The following ORC6 variants were observed in gnomAD, a reference collection of about 807,000 sequenced individuals.
ORC6 encodes the protein origin recognition complex, subunit 6 homolog-like (yeast).
Under a neutral mutation model 30.0 loss-of-function variants are expected in ORC6, and 31 were observed. The observed-to-expected ratio is 1.03, with a 90% CI of 0.78 to 1.40. ORC6 has a LOEUF of 1.40. ORC6 is among the 40% of genes most tolerant of loss of function. The pLI is 0.00. For synonymous variants in ORC6, 136 were observed against 111.2 expected, an observed-to-expected ratio of 1.22 and a Z score of -1.40; for missense variants, 340 against 304.3, an observed-to-expected ratio of 1.12 and a Z score of -0.87.
chr16:46,690,915 G>A, intron 1 of ORC6, 76 bp from the exon 2 acceptor site: 1 of 1,494,460 alleles, frequency 6.7e-7, no homozygotes, highest in Non-Finnish European at 9.3e-7. Context: ...AGCTAACCAG[G>A]CTGTATTCAT....
chr16:46,692,922 C>T (rs562466366), intron 3 of ORC6, among the ~76,000 whole-genome samples, 171 bp from the exon 4 acceptor site: 1 of 152,166 alleles, frequency 6.6e-6, no homozygotes, highest in South Asian at 2.1e-4. Flanking sequence ...CTGATAGATA[C>T]AAATTATCCA....
chr16:46,690,197 C>G (rs1396697705), intron 1 of ORC6, among the ~76,000 whole-genome samples: 1 of 152,210 alleles, frequency 6.6e-6, no homozygotes, highest in Non-Finnish European at 1.5e-5. Flanking sequence ...GGCCTAGCGG[C>G]TGCCTTTAAC....
At chr16:46,694,642 ACC>A (rs1215852419) in intron 4 of ORC6, 1 of 131,436 alleles carries the variant, frequency 7.6e-6, no homozygotes, top group East Asian at 2.2e-4. Flanking sequence ...CGGGGGGCTG[ACC>A]CCCCCACAAC....
chr16:46,694,476 G>GCCGGGCGGGGGGGCTGA (rs1173369613), intron 4 of ORC6: 1 of 142,780 alleles, frequency 7.0e-6, no homozygotes, highest in African/African-American at 2.6e-5. Flanking sequence ...GGGGCGGCTG[G>GCCGGGCGGGGGGGCTGA]CCGGGCGGGG....
intron 1 of ORC6, 126 bp from the exon 2 acceptor site, chr16:46,690,865 G>A (rs1285652666): frequency 3.2e-6 from 3 of 941,316 alleles, no homozygotes; most frequent in Non-Finnish European, 5.2e-6. Flanking sequence ...TTCATTCCCA[G>A]CCCCAGATAA....
rs745532959 is a variant in ORC6, at chr16:46,698,191, A to G, written c.*606A>G. The G allele has an allele frequency of 8.5e-5, 38 of 447,650 alleles. No individual in the cohort carries two copies. The highest frequency in any genetic ancestry group is 5.6e-4 in the South Asian group (36 of 63,804). 27.7% of individuals were successfully genotyped at this position (447,650 alleles called of 1,614,324 possible). On this transcript the variant is annotated 3_prime_UTR_variant, in exon 7 of 7. Coordinates refer to ENST00000219097, the MANE Select transcript of ORC6 (RefSeq NM_014321.4). Reference sequence around the variant, plus strand: ...TAGATAGATAGATAGATGGATAGATAGATAGATAGATAGATAGATAGATAA... The same window carrying G: ...TAGATAGATAGATAGATGGATAGATGGATAGATAGATAGATAGATAGATAA...
intron 2 of ORC6, among the ~76,000 whole-genome samples, chr16:46,691,983 C>CT (rs1357880671): frequency 6.7e-6 from 1 of 148,690 alleles, no homozygotes; most frequent in Non-Finnish European, 1.5e-5. Context: ...CTCTCTCTCA[C>CT]CACCCCGCCC....
In ORC6 at chr16:46,698,167, AGATAGATAGATAGATG is replaced by A. The variant is rs1457382430; in HGVS notation, c.*598_*613del. 4.2e-5 allele frequency: 17 copies of A among 402,390 alleles called. No homozygotes were observed. Among genetic ancestry groups the A allele is most frequent in the Admixed American group, 1.3e-4 (5 of 38,544 alleles). The allele number at this position is 402,390 out of a possible 1,614,324, so 24.9% of individuals were successfully genotyped here. ...GGGTGACAGAGCGAGACTTATAGAT[AGATAGATAGATAGATG>A]GATAGATAGATAGATAGATAGATAG... On this transcript the variant is annotated 3_prime_UTR_variant, in exon 7 of 7. Transcript: ENST00000219097.
rs372278823 is a variant in ORC6, at chr16:46,698,183, G to GGATGGATAGATAGATAGATA, written c.*601_*602insGGATAGATAGATAGATAGAT. The stretch of plus-strand genomic sequence containing the variant: ...CTTATAGATAGATAGATAGATAGAT[G>GGATGGATAGATAGATAGATA]GATAGATAGATAGATAGATAGATAG... On this transcript the variant is annotated 3_prime_UTR_variant, in exon 7 of 7. Coordinates refer to ENST00000219097, the MANE Select transcript of ORC6 (RefSeq NM_014321.4). 4.9e-5 allele frequency: 21 copies of GGATGGATAGATAGATAGATA among 430,452 alleles called. No homozygotes were observed. The highest frequency in any genetic ancestry group is 1.3e-4 in the African/African-American group (6 of 47,660). 26.7% of individuals were successfully genotyped at this position (430,452 alleles called of 1,614,324 possible).
chr16:46,694,281 C>T (rs1453017911), intron 4 of ORC6: 1 of 111,924 alleles, frequency 8.9e-6, no homozygotes, highest in Non-Finnish European at 1.9e-5. Flanking sequence ...ACACGGCAAC[C>T]ATCCGATTTC....
chr16:46,696,787 C>T (rs1373638950), intron 6 of ORC6, among the ~76,000 whole-genome samples: 5 of 152,158 alleles, frequency 3.3e-5, no homozygotes, highest in Non-Finnish European at 7.4e-5. Context: ...TCCCGAGTAG[C>T]TGGGACTACA....
chr16:46,691,273 C>T (rs372684357), intron 2 of ORC6, among the ~76,000 whole-genome samples, 153 bp downstream of exon 2: 86 of 152,350 alleles, frequency 5.6e-4, no homozygotes, highest in African/African-American at 1.9e-3. Flanking sequence ...AATCATTTTG[C>T]ATTGGAAAAT....
chr16:46,691,195 C>T (rs1966433907), intron 2 of ORC6, 75 bp downstream of exon 2: 15 of 1,427,596 alleles, frequency 1.1e-5, no homozygotes, highest in Non-Finnish European at 1.4e-5. Flanking sequence ...TTGAACTAAA[C>T]CCTAGTAAAA....
At position 46,689,761 on chromosome 16, in the gene ORC6, A is replaced by G. The variant is rs1468964860; in HGVS notation, c.56A>G (p.Asp19Gly). The G allele has an allele frequency of 5.0e-6, 8 of 1,597,172 alleles. No individual in the cohort carries two copies. The highest frequency in any genetic ancestry group is 1.1e-5 in the South Asian group (1 of 88,824). Residue 19 changes from aspartate (D) to glycine (G), a missense_variant, in exon 1 of 7, where the codon GAC becomes GGC. Transcript: ENST00000219097. ...LAPRLGLAEP[D>G]MLRKAEEYLR... ...CCGCGCCTGGGCCTCGCCGAGCCCG[A>G]CATGCTGAGGTGAGTTCGGCCGCGC...
intron 1 of ORC6, 180 bp from the exon 2 acceptor site, chr16:46,690,811 G>C: frequency 1.5e-6 from 1 of 684,792 alleles, no homozygotes; most frequent in Non-Finnish European, 2.7e-6. Flanking sequence ...GTGATGTTTG[G>C]AGTCAGTGCT....
At chr16:46,692,298 C>A in intron 2 of ORC6, 84 bp from the exon 3 acceptor site, 1 of 1,163,948 alleles carries the variant, frequency 8.6e-7, no homozygotes. Flanking sequence ...AAAAGTTATA[C>A]TGCTTATTAA....
chr16:46,695,672 A>T lies in ORC6; in HGVS notation c.560A>T (p.Asp187Val). 6.3e-7 allele frequency: 1 copy of T among 1,578,194 alleles called. No homozygotes were observed. The highest frequency in any genetic ancestry group is 8.7e-7 in the Non-Finnish European group (1 of 1,147,216). Residue 187 changes from aspartate to valine, a missense_variant and splice_region_variant, in exon 5 of 7, where the codon GAC becomes GTC. Asp to Val is a radical substitution (Grantham distance 152). Transcript: ENST00000219097. Reference sequence around the variant, plus strand: ...CTAGAGAAGATTGGACAGCAGGTCGACAGTAAGTATTCTGTAGTTCAAGAA... The same window carrying T: ...CTAGAGAAGATTGGACAGCAGGTCGTCAGTAAGTATTCTGTAGTTCAAGAA... Reference protein sequence around the residue: ...KQLEKIGQQVDREPGDVATPP... With the variant: ...KQLEKIGQQVVREPGDVATPP...
chr16:46,691,269 T>C (rs1966434578), intron 2 of ORC6, 149 bp downstream of exon 2: 5 of 821,880 alleles, frequency 6.1e-6, no homozygotes, highest in Non-Finnish European at 1.0e-5. Flanking sequence ...GTAGAATCAT[T>C]TTGCATTGGA....
chr16:46,693,146 C>A lies in ORC6; in HGVS notation c.413C>A (p.Pro138Gln), dbSNP rs3218745. 4.7e-4 allele frequency: 753 copies of A among 1,613,006 alleles called. 2 individuals are homozygous for A. Among genetic ancestry groups the A allele is most frequent in the Non-Finnish European group, 6.0e-4 (707 of 1,179,122 alleles). ...TQQVDLDLSR[P>Q]LFTSAALLSA... ...CAAGTGGATCTTGACTTATCCAGGCCACTTTTCACTTCTGCTGCACTGCTT... is the reference window on the plus strand; with the variant it reads ...CAAGTGGATCTTGACTTATCCAGGCAACTTTTCACTTCTGCTGCACTGCTT... The change falls in exon 4 of 7, where the codon CCA becomes CAA. Residue 138 changes from proline (P) to glutamine (Q), a missense_variant. By Grantham distance (76) the Pro-to-Gln change is moderately conservative (BLOSUM62 -1). Transcript: ENST00000219097.
Sources: gnomAD v4.1 joint callset for allele counts (sites outside exome capture counted in the v4.1 genomes callset) on GRCh38, gnomAD v4.1.1 for gene constraint, MANE v1.5 for transcripts, NCBI Gene and HGNC (gene_info 2026-07-23, HGNC 2026-07-21) for gene names.